Variants in PCDHGA9 observed in about 807,000 individuals in gnomAD.
PCDHGA9 encodes the protein protocadherin gamma-A9.
PCDHGA9 carries 37 observed loss-of-function variants against 62.5 expected under a neutral mutation model. The ratio of observed to expected loss-of-function variants is 0.59; its 90% CI spans 0.46 to 0.78. The LOEUF (loss-of-function observed/expected upper bound fraction) is 0.78, where lower values mean the gene tolerates loss of function less well. Ranked by LOEUF, PCDHGA9 falls within the 30% of genes least tolerant of loss-of-function variation. The pLI is 0.00. For missense variants in PCDHGA9, 1,138 were observed against 1,166.2 expected, an observed-to-expected ratio of 0.98 and a Z score of 0.35; for synonymous variants, 459 against 484.6, an observed-to-expected ratio of 0.95 and a Z score of 0.69.
At chr5:141,475,902 C>T (rs1296545944) in intron 1 of PCDHGA9, 1 of 576,594 alleles carries the variant, frequency 1.7e-6, no homozygotes, top group Non-Finnish European at 3.0e-6. Context: ...GTGCCGCTGT[C>T]GGCCAATGAA....
chr5:141,406,998 A>T (rs138992041), intron 1 of PCDHGA9, among the ~76,000 whole-genome samples: 1 of 152,234 alleles, frequency 6.6e-6, no homozygotes, highest in Non-Finnish European at 1.5e-5. Context: ...ATTTGAAAAT[A>T]AGCTTTGAAG....
At chr5:141,472,980 CAAAA>C (rs60579131) in intron 1 of PCDHGA9, among the ~76,000 whole-genome samples, 3 of 86,106 alleles carry the variant, frequency 3.5e-5, no homozygotes, top group Admixed American at 1.2e-4. Context: ...GAGTGAAACT[CAAAA>C]AAAAAAAAAA....
Position 141,487,632 on chromosome 5 carries a change from C to G in PCDHGA9, c.2425-7175C>G, listed in dbSNP as rs374506603. The G allele has an allele frequency of 6.2e-7, 1 of 1,614,186 alleles. No homozygotes were observed. Among genetic ancestry groups the G allele is most frequent in the East Asian group, 2.2e-5 (1 of 44,888 alleles). On this transcript the variant is annotated intron_variant, in intron 1 of 3. Coordinates refer to ENST00000573521, the MANE Select transcript of PCDHGA9 (RefSeq NM_018921.3). The surrounding 1 kb of genome is among the most constrained non-coding windows in gnomAD (Gnocchi z 5.0). ...GGGCTAGAGGTGAGACCTTTGCAGG[C>G]TCAACAAATGCTTGAGGGTTATTCT... is the stretch of plus-strand genomic sequence containing the variant.
At chr5:141,415,479 A>G (rs750765604) in intron 1 of PCDHGA9, 19 of 1,613,988 alleles carry the variant, frequency 1.2e-5, no homozygotes, top group South Asian at 2.2e-5. Flanking sequence ...CGGACTCGCG[A>G]AAGAGTCACC....
At chr5:141,466,709 T>C (rs2099127779) in intron 1 of PCDHGA9, among the ~76,000 whole-genome samples, 1 of 152,212 alleles carries the variant, frequency 6.6e-6, no homozygotes, top group Non-Finnish European at 1.5e-5. Flanking sequence ...TGATGTCTGT[T>C]CTTGTTTCCA....
intron 1 of PCDHGA9, chr5:141,440,945 A>T (rs1210278728): frequency 2.6e-5 from 4 of 152,234 alleles, no homozygotes; most frequent in African/African-American, 9.7e-5. Flanking sequence ...CCAGGACTAG[A>T]GTGTCAAGGC....
chr5:141,415,536 G>A (rs1561758201), intron 1 of PCDHGA9: 1 of 1,614,150 alleles, frequency 6.2e-7, no homozygotes, highest in Non-Finnish European at 8.5e-7. Flanking sequence ...TCAGCCAGGA[G>A]AGCTGTGAGA....
intron 1 of PCDHGA9, among the ~76,000 whole-genome samples, chr5:141,437,614 A>G (rs113599071): frequency 3.1e-4 from 47 of 152,242 alleles, no homozygotes; most frequent in Non-Finnish European, 5.1e-4. Flanking sequence ...AATCTGCTTT[A>G]TCCCCATATA....
chr5:141,421,513 C>G lies in PCDHGA9; in HGVS notation c.2424+16137C>G, dbSNP rs368199651. ...GGCAGGCAGGATAGACCGGGAGGAG[C>G]TCTGTGAGACGGTGTCCTCCTGTTT... On this transcript the variant is annotated intron_variant, in intron 1 of 3. Coordinates refer to ENST00000573521, the MANE Select transcript of PCDHGA9 (RefSeq NM_018921.3). 61 of 1,614,078 alleles carry G rather than the reference C, an allele frequency of 3.8e-5. No individual in the cohort carries two copies. The African/African-American group carries it at 7.5e-4, about 20-fold the overall frequency.
chr5:141,490,644 T>C lies in PCDHGA9; in HGVS notation c.2425-4163T>C. The C allele has an allele frequency of 6.2e-7, 1 of 1,614,188 alleles. No homozygotes were observed. Among genetic ancestry groups the C allele is most frequent in the Non-Finnish European group, 8.5e-7 (1 of 1,180,016 alleles). On this transcript the variant is annotated intron_variant, in intron 1 of 3. Coordinates refer to ENST00000573521, the MANE Select transcript of PCDHGA9 (RefSeq NM_018921.3). The surrounding 1 kb of genome is among the most constrained non-coding windows in gnomAD (Gnocchi z 5.4). Reference sequence around the variant, plus strand: ...CTGCTTACATCCTAGAAAACCGGCCTCCGGGCTCCCTTCTTTGCACTGTGG... The same window carrying C: ...CTGCTTACATCCTAGAAAACCGGCCCCCGGGCTCCCTTCTTTGCACTGTGG...
chr5:141,431,624 G>C lies in PCDHGA9; in HGVS notation c.2424+26248G>C. The C allele has an allele frequency of 2.5e-6, 4 of 1,614,234 alleles. No individual in the cohort carries two copies. Among genetic ancestry groups the C allele is most frequent in the Non-Finnish European group, 3.4e-6 (4 of 1,180,038 alleles). On this transcript the variant is annotated intron_variant, in intron 1 of 3. Transcript: ENST00000573521. This position sits in a 1 kb window ranked among gnomAD's most constrained non-coding sequence, Gnocchi z 4.8. ...CTTCCGGTATGTGGACGACAAGGCG[G>C]CCCAAGTTTTCAAACTAGATTGTAA...
At chr5:141,409,448 C>T in intron 1 of PCDHGA9, 1 of 1,613,546 alleles carries the variant, frequency 6.2e-7, no homozygotes, top group Non-Finnish European at 8.5e-7. Context: ...AGAGCAGACA[C>T]CAGAATACAA....
intron 1 of PCDHGA9, among the ~76,000 whole-genome samples, chr5:141,472,913 G>A (rs1049221725): frequency 2.0e-5 from 3 of 147,764 alleles, no homozygotes; most frequent in African/African-American, 2.5e-5. Context: ...TTGAACCCAA[G>A]AGGAGGAGGT....
rs1036344847 is a variant in PCDHGA9 at position 141,424,050 on chromosome 5, C to G, written c.2424+18674C>G. 9.9e-6 allele frequency: 10 copies of G among 1,014,084 alleles called. No homozygotes were observed. The African/African-American group carries it at 1.6e-4, about 16-fold the overall frequency. The allele number at this position is 1,014,084 out of a possible 1,614,324, so 62.8% of individuals were successfully genotyped here. A position where few individuals can be genotyped will look rare whatever the true frequency, so the allele number is the denominator to read the frequency against. ...ACTTTTTATTTCCATTTCAATTTTG[C>G]TGTGCCTTCACTGATTTGTAGTTAT... On this transcript the variant is annotated intron_variant, in intron 1 of 3. Coordinates refer to ENST00000573521, the MANE Select transcript of PCDHGA9 (RefSeq NM_018921.3).
chr5:141,486,121 T>G lies in PCDHGA9; in HGVS notation c.2425-8686T>G. The G allele has an allele frequency of 6.2e-7, 1 of 1,614,204 alleles. No homozygotes were observed. Among genetic ancestry groups the G allele is most frequent in the Non-Finnish European group, 8.5e-7 (1 of 1,180,036 alleles). Reference sequence around the variant, plus strand: ...TAGACTTTGAGAGTGAGAATTACTATGAATTTGATGTGCGGGCTCGCGATG... The same window carrying G: ...TAGACTTTGAGAGTGAGAATTACTAGGAATTTGATGTGCGGGCTCGCGATG... On this transcript the variant is annotated intron_variant, in intron 1 of 3. Transcript: ENST00000573521. The surrounding 1 kb of genome is among the most constrained non-coding windows in gnomAD (Gnocchi z 5.0).
At chr5:141,504,203 A>G (rs2099836487) in intron 2 of PCDHGA9, among the ~76,000 whole-genome samples, 1 of 152,248 alleles carries the variant, frequency 6.6e-6, no homozygotes, top group Non-Finnish European at 1.5e-5. Context: ...TCACTGTGGG[A>G]AAATTCCAAG....
At position 141,491,711 on chromosome 5, in the gene PCDHGA9, C is replaced by T. The variant is rs528931820; in HGVS notation, c.2425-3096C>T. 1.5e-5 allele frequency: 24 copies of T among 1,609,240 alleles called. No homozygotes were observed. In the African/African-American group the frequency reaches 1.7e-4, roughly 12 times the overall value. On this transcript the variant is annotated intron_variant, in intron 1 of 3. Transcript: ENST00000573521. This position sits in a 1 kb window ranked among gnomAD's most constrained non-coding sequence, Gnocchi z 6.9. ...CGGGAGCGGAGCCAGGTGAGGGGCT[C>T]GGCGCCGCCCCGGGCGACCCCTGGG... is the stretch of plus-strand genomic sequence containing the variant.
chr5:141,478,489 C>T (rs779457709), intron 1 of PCDHGA9: 99 of 1,613,162 alleles, frequency 6.1e-5, no homozygotes, highest in Non-Finnish European at 8.1e-5. Context: ...CGCTGCGGAG[C>T]TGTGATCCGG....
chr5:141,405,353 A>G lies in PCDHGA9; in HGVS notation c.2401A>G (p.Ile801Val), dbSNP rs187461819. 6.9e-5 allele frequency: 112 copies of G among 1,614,026 alleles called. No homozygotes were observed. Among genetic ancestry groups the G allele is most frequent in the Admixed American group, 5.8e-4 (35 of 60,010 alleles). Residue 801 changes from isoleucine to valine, a missense_variant, in exon 1 of 4, where the codon ATA (isoleucine) becomes GTA (valine). Coordinates refer to ENST00000573521, the MANE Select transcript of PCDHGA9 (RefSeq NM_018921.3). Reference sequence around the variant, plus strand: ...CGTCTCTGTTGATTCCAAGTTTCCTATAGAAGACACCCCTTTGGTTCCGGT... The same window carrying G: ...CGTCTCTGTTGATTCCAAGTTTCCTGTAGAAGACACCCCTTTGGTTCCGGT... ...LCVSVDSKFPIEDTPLVPQAP... is the reference protein window; with the variant it reads ...LCVSVDSKFPVEDTPLVPQAP...
Sources: allele counts gnomAD v4.1 joint callset (sites outside exome capture counted in the v4.1 genomes callset), GRCh38; gene constraint gnomAD v4.1.1; non-coding constraint Gnocchi (gnomAD v3.1); transcripts MANE v1.5; gene names NCBI Gene and HGNC (gene_info 2026-07-23, HGNC 2026-07-21).